AGAP1: variants seen among roughly 807,000 people sequenced by gnomAD.
AGAP1 encodes ArfGAP with GTPase domain, ankyrin repeat and PH domain 1, also known as arf-GAP with GTPase, ANK repeat and PH domain-containing protein 1.
In AGAP1, 29 loss-of-function variants were observed where a neutral mutation model predicts 105.3. The ratio of observed to expected loss-of-function variants is 0.28; its 90% CI spans 0.21 to 0.38. The LOEUF (loss-of-function observed/expected upper bound fraction) is 0.38, where lower values mean the gene tolerates loss of function less well. Ranked by LOEUF, AGAP1 falls within the 10% of genes least tolerant of loss-of-function variation. The pLI, the probability that AGAP1 is intolerant of heterozygous loss-of-function variation, is 1.00. For synonymous variants in AGAP1, 509 were observed against 485.9 expected (o/e 1.05, Z -0.63); for missense variants, 998 against 1,165.1 (o/e 0.86, Z 2.09).
intron 9 of AGAP1, among the ~76,000 whole-genome samples, chr2:235,859,458 G>C (rs73998960): frequency 7.8e-6 from 1 of 128,532 alleles, no homozygotes; most frequent in Non-Finnish European, 1.5e-5. Flanking sequence ...CTCTAAAAAC[G>C]ACACACTATT....
chr2:235,649,065 C>G (rs35838424), intron 1 of AGAP1, among the ~76,000 whole-genome samples: 17,033 of 152,164 alleles, frequency 0.11, 1,358 homozygotes, highest in East Asian at 0.33. Flanking sequence ...AGAGTAGTTA[C>G]ACTTTTCTGG....
In AGAP1 at chr2:236,129,468, G is replaced by A. The variant is rs2060053873; in HGVS notation, c.*5346G>A. The stretch of plus-strand genomic sequence containing the variant: ...ATCACTAAGAAACAGTCCTCAGACT[G>A]GTCCTTCCGACACAGGCAGAGAGTG... On this transcript the variant is annotated 3_prime_UTR_variant, in exon 18 of 18. Transcript: ENST00000304032. The surrounding 1 kb of genome is among the most constrained non-coding windows in gnomAD (Gnocchi z 6.2). 1 of 152,264 alleles carries A rather than the reference G, an allele frequency of 6.6e-6. No individual in the cohort carries two copies. The highest frequency in any genetic ancestry group is 2.4e-5 in the African/African-American group (1 of 41,474). The allele number at this position is 152,264 out of a possible 1,614,324, so 9.4% of individuals were successfully genotyped here. A position where few individuals can be genotyped will look rare whatever the true frequency, so the allele number is the denominator to read the frequency against.
Position 235,689,636 on chromosome 2 carries a change from A to G in AGAP1, c.164-19543A>G, listed in dbSNP as rs1949644215. Reference sequence around the variant, plus strand: ...GGACACCAAATTGGCAGGTCACCATAGGGACCTCCCCTAACCTCAAATCTG... The same window carrying G: ...GGACACCAAATTGGCAGGTCACCATGGGGACCTCCCCTAACCTCAAATCTG... On this transcript the variant is annotated intron_variant, in intron 1 of 17. Coordinates refer to ENST00000304032, the MANE Select transcript of AGAP1 (RefSeq NM_001037131.3). The surrounding 1 kb of genome is among the most constrained non-coding windows in gnomAD (Gnocchi z 4.2). 6.6e-6 allele frequency among the ~76,000 whole-genome samples: 1 copy of G among 152,256 alleles called. No individual in the cohort carries two copies. Among genetic ancestry groups the G allele is most frequent in the South Asian group, 2.1e-4 (1 of 4,834 alleles).
intron 9 of AGAP1, among the ~76,000 whole-genome samples, chr2:235,823,135 C>G (rs1444279629): frequency 6.6e-6 from 1 of 151,996 alleles, no homozygotes; most frequent in Non-Finnish European, 1.5e-5. Flanking sequence ...TCTCAGAGAA[C>G]AAAAACTATG....
intron 16 of AGAP1, among the ~76,000 whole-genome samples, chr2:236,107,232 C>T (rs575766172): frequency 2.6e-5 from 4 of 152,286 alleles, no homozygotes; most frequent in Admixed American, 2.6e-4. Flanking sequence ...GCCCAGGGCC[C>T]CACAGCCAAC....
At position 235,555,923 on chromosome 2, in the gene AGAP1, T is replaced by C. The variant is rs1943957967; in HGVS notation, c.163+61074T>C. Among the ~76,000 whole-genome samples the C allele has an allele frequency of 6.6e-6, 1 of 152,218 alleles. No individual in the cohort carries two copies. Among genetic ancestry groups the C allele is most frequent in the Non-Finnish European group, 1.5e-5 (1 of 68,046 alleles). ...GCTGAGGAATATTTGGGGCACCTGC[T>C]CTGGGCCATGTACACAATGAGGCAA... is the stretch of plus-strand genomic sequence containing the variant. On this transcript the variant is annotated intron_variant, in intron 1 of 17. Coordinates refer to ENST00000304032, the MANE Select transcript of AGAP1 (RefSeq NM_001037131.3). This position sits in a 1 kb window ranked among gnomAD's most constrained non-coding sequence, Gnocchi z 5.1.
intron 2 of AGAP1, 57 bp from the exon 3 acceptor site, chr2:235,717,500 C>A (rs1388300161): frequency 1.4e-6 from 2 of 1,476,896 alleles, no homozygotes; most frequent in Admixed American, 2.3e-5. Context: ...TTAGTATTTG[C>A]AAAATGCCAA....
intron 1 of AGAP1, among the ~76,000 whole-genome samples, chr2:235,688,465 C>G (rs78661447): frequency 0.017 from 2,543 of 152,264 alleles, 62 homozygotes; most frequent in African/African-American, 0.057. Flanking sequence ...CCCTCTACTT[C>G]AGACAGACTT....
In AGAP1 at chr2:236,035,415, C is replaced by G. The variant is rs2057349199; in HGVS notation, c.1646-1146C>G. On this transcript the variant is annotated intron_variant, in intron 13 of 17. Coordinates refer to ENST00000304032, the MANE Select transcript of AGAP1 (RefSeq NM_001037131.3). This position sits in a 1 kb window ranked among gnomAD's most constrained non-coding sequence, Gnocchi z 4.2. ...TTGGGAGGCCAAGGAGTGAGGATCA[C>G]TTGAGATCAGGAGTTTGAGACCAGC... Among the ~76,000 whole-genome samples the G allele has an allele frequency of 6.6e-6, 1 of 152,172 alleles. No homozygotes were observed. The highest frequency in any genetic ancestry group is 2.4e-5 in the African/African-American group (1 of 41,454).
At chr2:235,677,789 C>G (rs981428472) in intron 1 of AGAP1, among the ~76,000 whole-genome samples, 1 of 151,548 alleles carries the variant, frequency 6.6e-6, no homozygotes, top group Non-Finnish European at 1.5e-5. Flanking sequence ...TGATGCGGCT[C>G]CTGCCCTCTC....
At chr2:236,110,952 A>G (rs1373157066) in intron 16 of AGAP1, among the ~76,000 whole-genome samples, 8 of 152,164 alleles carry the variant, frequency 5.3e-5, no homozygotes, top group Non-Finnish European at 1.2e-4. Flanking sequence ...TGCTTCATGG[A>G]GAATACCTCA....
rs1235885384 is a variant in AGAP1, at chr2:235,665,966, T to C, written c.164-43213T>C. 1.3e-5 allele frequency among the ~76,000 whole-genome samples: 2 copies of C among 152,162 alleles called. No individual in the cohort carries two copies. Among genetic ancestry groups the C allele is most frequent in the African/African-American group, 4.8e-5 (2 of 41,424 alleles). ...ATTCTCCAGGAGAATGTTTGATTTA[T>C]AGGTAGCTAGAAATGACCCGGGACA... On this transcript the variant is annotated intron_variant, in intron 1 of 17. Transcript: ENST00000304032. This position sits in a 1 kb window ranked among gnomAD's most constrained non-coding sequence, Gnocchi z 5.3.
rs1946621307 is a variant in AGAP1, at chr2:235,625,913, T to G, written c.164-83266T>G. On this transcript the variant is annotated intron_variant, in intron 1 of 17. Transcript: ENST00000304032. The surrounding 1 kb of genome is among the most constrained non-coding windows in gnomAD (Gnocchi z 4.0). ...ATGTTCTCACATTTATTCTTGAAAT[T>G]CCACACAGAGAAAGGTGTTTCGGGG... Among the ~76,000 whole-genome samples, 1 of 152,198 alleles carries G rather than the reference T, an allele frequency of 6.6e-6. No homozygotes were observed. The highest frequency in any genetic ancestry group is 2.4e-5 in the African/African-American group (1 of 41,436).
intron 9 of AGAP1, among the ~76,000 whole-genome samples, chr2:235,807,928 T>C (rs879434671): frequency 1.3e-5 from 2 of 152,236 alleles, no homozygotes; most frequent in Non-Finnish European, 2.9e-5. Flanking sequence ...AATTAAACTT[T>C]CTCATTACAC....
intron 3 of AGAP1, among the ~76,000 whole-genome samples, chr2:235,727,404 G>T (rs1302851026): frequency 6.6e-6 from 1 of 152,150 alleles, no homozygotes; most frequent in East Asian, 1.9e-4. Context: ...GTTACACCCA[G>T]CTTGCACGGT....
At chr2:235,819,966 C>T (rs1307814040) in intron 9 of AGAP1, among the ~76,000 whole-genome samples, 3 of 140,794 alleles carry the variant, frequency 2.1e-5, no homozygotes, top group African/African-American at 7.9e-5. Flanking sequence ...TGCAATGGTG[C>T]GATCTCAGCT....
At chr2:235,593,130 T>C (rs1458323074) in intron 1 of AGAP1, among the ~76,000 whole-genome samples, 1 of 152,114 alleles carries the variant, frequency 6.6e-6, no homozygotes, top group African/African-American at 2.4e-5. Flanking sequence ...CTTATTGATA[T>C]CAGCCACCCT....
chr2:236,084,722 G>T (rs2058878382), intron 16 of AGAP1, among the ~76,000 whole-genome samples: 1 of 151,860 alleles, frequency 6.6e-6, no homozygotes, highest in African/African-American at 2.4e-5. Flanking sequence ...GGCCAACATG[G>T]TGAAACCACG....
chr2:235,572,990 T>TCTC (rs1944585926), intron 1 of AGAP1, among the ~76,000 whole-genome samples: 1 of 22,544 alleles, frequency 4.4e-5, no homozygotes, highest in African/African-American at 2.0e-4. Flanking sequence ...TTCTTCTTCT[T>TCTC]CTTCTTCTTC....
Sources: allele counts gnomAD v4.1 joint callset (sites outside exome capture counted in the v4.1 genomes callset), GRCh38; gene constraint gnomAD v4.1.1; non-coding constraint Gnocchi (gnomAD v3.1); transcripts MANE v1.5; gene names NCBI Gene and HGNC (gene_info 2026-07-23, HGNC 2026-07-21).